The following RBFA variants were observed in gnomAD, a reference collection of about 807,000 sequenced individuals.
RBFA encodes putative ribosome-binding factor A, mitochondrial.
A neutral mutation model predicts 27.9 loss-of-function variants in RBFA; 16 were observed. That is an observed-to-expected ratio of 0.57 (90% CI 0.39 to 0.87). RBFA has a LOEUF of 0.87. RBFA is among the 40% of genes least tolerant of loss of function. The pLI is 0.00. For missense variants in RBFA, 456 were observed against 432.1 expected (o/e 1.06, Z -0.49); for synonymous variants, 181 against 181.0 (o/e 1.00, Z 0.00).
chr18:80,045,905 G>A lies in RBFA; in HGVS notation c.782G>A (p.Gly261Asp). The A allele has an allele frequency of 6.2e-7, 1 of 1,613,416 alleles. No individual in the cohort carries two copies. ...YKRRKDKGLG[G>D]LVWQGQVAEL... ...AGGAGGAAAGATAAAGGGCTCGGGG[G>A]CCTGGTGTGGCAGGGGCAGGTGGCT... Residue 261 changes from glycine to aspartate, a missense_variant, in exon 7 of 7, where the codon GGC (glycine) becomes GAC (aspartate). Transcript: ENST00000306735.
At chr18:80,044,657 G>C (rs2052038587) in intron 6 of RBFA, among the ~76,000 whole-genome samples, 1 of 152,272 alleles carries the variant, frequency 6.6e-6, no homozygotes, top group Admixed American at 6.5e-5. Flanking sequence ...ACAGGAAGCA[G>C]TAAACATCAC....
intron 4 of RBFA, chr18:80,041,806 A>G (rs2052018046): frequency 6.5e-6 from 1 of 154,446 alleles, no homozygotes; most frequent in African/African-American, 2.5e-5. Flanking sequence ...GGCTCACTGC[A>G]AGTTCCGCCT....
At chr18:80,038,861 T>C (rs1485199048) in intron 4 of RBFA, among the ~76,000 whole-genome samples, 1 of 152,218 alleles carries the variant, frequency 6.6e-6, no homozygotes, top group Non-Finnish European at 1.5e-5. Context: ...GGGAGTTCAT[T>C]AGGGTAAGAC....
rs1444900166 is a variant in RBFA, at chr18:80,048,549, G to C, written c.*2394G>C. 6.6e-6 allele frequency among the ~76,000 whole-genome samples: 1 copy of C among 152,224 alleles called. No individual in the cohort carries two copies. Among genetic ancestry groups the C allele is most frequent in the Non-Finnish European group, 1.5e-5 (1 of 68,040 alleles). On this transcript the variant is annotated 3_prime_UTR_variant, in exon 7 of 7. Transcript: ENST00000306735. ...AGGGACTAGTGTCTAGAGCCATGAGGACAGAGACCAGAAGGGACAAGAAGG... is the reference window on the plus strand; with the variant it reads ...AGGGACTAGTGTCTAGAGCCATGAGCACAGAGACCAGAAGGGACAAGAAGG...
At chr18:80,034,832 T>C in intron 1 of RBFA, 179 bp downstream of exon 1, 1 of 631,132 alleles carries the variant, frequency 1.6e-6, no homozygotes, top group Admixed American at 4.3e-5. Context: ...TTTGTGTTCG[T>C]GGACGTGTGT....
chr18:80,042,643 C>T (rs1416344682), intron 5 of RBFA, among the ~76,000 whole-genome samples: 17 of 151,932 alleles, frequency 1.1e-4, no homozygotes, highest in Non-Finnish European at 2.5e-4. Context: ...TGGTGGCGTG[C>T]GCCCGTAGTC....
At chr18:80,037,586 A>C (rs1474825317) in intron 3 of RBFA, 80 bp downstream of exon 3, 1 of 1,357,886 alleles carries the variant, frequency 7.4e-7, no homozygotes, top group Non-Finnish European at 1.0e-6. Context: ...GTCTTGCCTG[A>C]CAATTAAAAA....
intron 5 of RBFA, among the ~76,000 whole-genome samples, chr18:80,042,862 C>T (rs996888787): frequency 1.6e-4 from 24 of 151,914 alleles, no homozygotes; most frequent in African/African-American, 5.8e-4. Flanking sequence ...TCTCCTGTGC[C>T]CCTGTTCCCA....
intron 5 of RBFA, among the ~76,000 whole-genome samples, chr18:80,043,004 G>A (rs181501596): frequency 4.6e-5 from 7 of 152,112 alleles, no homozygotes; most frequent in East Asian, 3.9e-4. Flanking sequence ...CCCACCTCTC[G>A]AAATGGATCA....
At chr18:80,043,045 A>G (rs2052027309) in intron 5 of RBFA, among the ~76,000 whole-genome samples, 1 of 152,158 alleles carries the variant, frequency 6.6e-6, no homozygotes, top group African/African-American at 2.4e-5. Context: ...ATTGGGGCTT[A>G]TGAGACTTAG....
chr18:80,036,832 C>G (rs563929878), intron 2 of RBFA, 122 bp downstream of exon 2: 1 of 596,646 alleles, frequency 1.7e-6, no homozygotes. Flanking sequence ...TATGTGGATG[C>G]GACTGGATGC....
rs1406727992 is a variant in RBFA at position 80,046,013 on chromosome 18, C to A, written c.890C>A (p.Ser297Ter). 36 of 1,613,990 alleles carry A rather than the reference C, an allele frequency of 2.2e-5. No homozygotes were observed. Among genetic ancestry groups the A allele is most frequent in the Non-Finnish European group, 2.8e-5 (33 of 1,180,048 alleles). ...EQDSSLKSYL[S>*]GEEVEDDLDL... is the part of the protein sequence containing the mutation. The stretch of plus-strand genomic sequence containing the variant: ...GACAGCTCCCTCAAGAGTTACCTGT[C>A]AGGCGAGGAGGTTGAAGATGACCTG... Residue 297 changes from serine (S) to a stop codon, truncating the protein, a stop_gained, in exon 7 of 7, where the codon TCA becomes TAA. Coordinates refer to ENST00000306735, the MANE Select transcript of RBFA (RefSeq NM_024805.3). LOFTEE classifies it low-confidence loss of function (END_TRUNC).
intron 6 of RBFA, among the ~76,000 whole-genome samples, chr18:80,044,535 C>G (rs1228896966): frequency 1.3e-5 from 2 of 152,200 alleles, no homozygotes; most frequent in African/African-American, 4.8e-5. Flanking sequence ...GGCCTCTTGT[C>G]CTCTTCGTTC....
chr18:80,044,085 T>C, intron 5 of RBFA, 127 bp from the exon 6 acceptor site: 1 of 793,358 alleles, frequency 1.3e-6, no homozygotes, highest in South Asian at 1.4e-5. Context: ...GAAGAGTCGG[T>C]GGAAGGAATT....
chr18:80,037,545 A>C, intron 3 of RBFA, 39 bp downstream of exon 3: 4 of 1,560,992 alleles, frequency 2.6e-6, no homozygotes, highest in Non-Finnish European at 3.5e-6. Flanking sequence ...GGGTTGAGAC[A>C]GCAGGCCTGG....
intron 2 of RBFA, 69 bp from the exon 3 acceptor site, chr18:80,037,261 C>T: frequency 2.1e-6 from 3 of 1,416,588 alleles, no homozygotes; most frequent in Non-Finnish European, 2.9e-6. Flanking sequence ...CCCCCAGCCC[C>T]TGCTGTGTGA....
Position 80,044,214 on chromosome 18 carries a change from T to C in RBFA, c.579T>C (p.Leu193=), listed in dbSNP as rs1392927838. The C allele has an allele frequency of 8.1e-6, 13 of 1,613,916 alleles. No individual in the cohort carries two copies. Among genetic ancestry groups the C allele is most frequent in the East Asian group, 6.7e-5 (3 of 44,888 alleles). ...TTACCCTCTGTGTTCCTCTGTAGCT[T>C]GATCAGTTACTGGCAGTCGCAGACT... ...QDKGNAALAE[L]DQLLAVADFG... is the part of the protein sequence containing the mutation. The change falls in exon 6 of 7, where the codon CTT becomes CTC. Residue 193 remains leucine, a splice_region_variant and synonymous_variant. Transcript: ENST00000306735.
intron 4 of RBFA, among the ~76,000 whole-genome samples, chr18:80,040,365 C>T (rs541421803): frequency 6.6e-6 from 1 of 151,096 alleles, no homozygotes; most frequent in East Asian, 2.0e-4. Context: ...CTTCCTGCCT[C>T]AGCTTCCCAT....
intron 4 of RBFA, 74 bp from the exon 5 acceptor site, chr18:80,042,061 A>T: frequency 9.0e-7 from 1 of 1,105,126 alleles, no homozygotes; most frequent in South Asian, 1.5e-5. Context: ...CTTGAATCAT[A>T]TGTTCAGCAC....
Sources: allele counts gnomAD v4.1 joint callset (sites outside exome capture counted in the v4.1 genomes callset), GRCh38; gene constraint gnomAD v4.1.1; transcripts MANE v1.5; gene names NCBI Gene and HGNC (gene_info 2026-07-23, HGNC 2026-07-21).